Variants in VKORC1L1 observed in about 807,000 individuals in gnomAD.
VKORC1L1 encodes vitamin K epoxide reductase complex subunit 1-like protein 1.
Under a neutral mutation model 18.9 loss-of-function variants are expected in VKORC1L1, and 2 were observed. That is an observed-to-expected ratio of 0.11 (90% CI 0.04 to 0.33). VKORC1L1 has a LOEUF of 0.33. Among genes scored for constraint, VKORC1L1 ranks in the 10% least tolerant of loss-of-function variants. The pLI, the probability that VKORC1L1 is intolerant of heterozygous loss-of-function variation, is 1.00. For missense variants in VKORC1L1, 123 were observed against 224.1 expected (o/e 0.55, Z 2.88); for synonymous variants, 96 against 100.0 (o/e 0.96, Z 0.24).
At chr7:65,883,496 A>G (rs1281318846) in intron 1 of VKORC1L1, among the ~76,000 whole-genome samples, 5 of 147,538 alleles carry the variant, frequency 3.4e-5, no homozygotes, top group Admixed American at 1.4e-4. Flanking sequence ...ATACTGCTTT[A>G]ATCTTTTTTT....
At chr7:65,910,939 A>G (rs558045748) in intron 1 of VKORC1L1, among the ~76,000 whole-genome samples, 16 of 152,190 alleles carry the variant, frequency 1.1e-4, no homozygotes, top group Non-Finnish European at 1.9e-4. Context: ...TTATGTCTGT[A>G]CATTTGGTTT....
chr7:65,901,868 CA>C (rs1789323612), intron 1 of VKORC1L1, among the ~76,000 whole-genome samples: 1 of 151,994 alleles, frequency 6.6e-6, no homozygotes, highest in Admixed American at 6.6e-5. Flanking sequence ...TCCTGGGACT[CA>C]ACACAGAGCT....
At chr7:65,911,027 A>G (rs1378588599) in intron 1 of VKORC1L1, among the ~76,000 whole-genome samples, 1 of 152,154 alleles carries the variant, frequency 6.6e-6, no homozygotes, top group African/African-American at 2.4e-5. Context: ...CTGTGATGTT[A>G]CACTTCACCA....
At chr7:65,942,012 A>G (rs1790042915) in intron 1 of VKORC1L1, among the ~76,000 whole-genome samples, 1 of 152,160 alleles carries the variant, frequency 6.6e-6, no homozygotes, top group Admixed American at 6.5e-5. Flanking sequence ...TTCAGCTCAT[A>G]GAAATTAACT....
At position 65,915,082 on chromosome 7, in the gene VKORC1L1, C is replaced by CT. The variant is rs11359717; in HGVS notation, c.195-33579dup. On this transcript the variant is annotated intron_variant, in intron 1 of 2. Transcript: ENST00000360768. ...TTGTGATTGTGAGCTTATTTTTTTT[C>CT]TTTTTTTTTTCTTTTTTTTTTTTTT... Among the ~76,000 whole-genome samples, 58 of 141,078 alleles carry CT rather than the reference C, an allele frequency of 4.1e-4. 1 individual carries two copies. Among genetic ancestry groups the CT allele is most frequent in the African/African-American group, 1.3e-3 (48 of 38,366 alleles). The allele number at this position is 141,078 out of a possible 152,430, so 92.6% of individuals were successfully genotyped here. A position where few individuals can be genotyped will look rare whatever the true frequency, so the allele number is the denominator to read the frequency against.
chr7:65,895,498 TATATATATATATATATATACACACAC>T, intron 1 of VKORC1L1, among the ~76,000 whole-genome samples: 1 of 97,260 alleles, frequency 1.0e-5, no homozygotes, highest in East Asian at 3.6e-4. Flanking sequence ...TATATATATA[TATATATATATATATATATACACACAC>T]ACACACACAC....
At chr7:65,872,187 G>A (rs1162993931), upstream of VKORC1L1, among the ~76,000 whole-genome samples, 1 of 151,982 alleles carries the variant, frequency 6.6e-6, no homozygotes, top group Non-Finnish European at 1.5e-5. Context: ...CTTATTCCTG[G>A]CCTTTCATTT....
At chr7:65,902,728 G>A (rs930597598) in intron 1 of VKORC1L1, among the ~76,000 whole-genome samples, 1 of 152,068 alleles carries the variant, frequency 6.6e-6, no homozygotes, top group Non-Finnish European at 1.5e-5. Context: ...ATTATAAAGA[G>A]AAAATCTTGA....
intron 1 of VKORC1L1, among the ~76,000 whole-genome samples, chr7:65,890,917 A>C (rs1183536177): frequency 6.6e-6 from 1 of 152,188 alleles, no homozygotes; most frequent in East Asian, 1.9e-4. Flanking sequence ...CCAGATGAAG[A>C]TATAGAATAT....
chr7:65,879,607 G>C (rs187167795), intron 1 of VKORC1L1, among the ~76,000 whole-genome samples: 133 of 152,104 alleles, frequency 8.7e-4, no homozygotes, highest in Middle Eastern at 3.4e-3. Context: ...TTCTAACCCA[G>C]GCAGTCTGGC....
At chr7:65,927,310 A>AT (rs1664192730) in intron 1 of VKORC1L1, among the ~76,000 whole-genome samples, 1 of 152,120 alleles carries the variant, frequency 6.6e-6, no homozygotes, top group South Asian at 2.1e-4. Flanking sequence ...AAAAAAAATC[A>AT]TAATGGGTAC....
At chr7:65,906,627 T>C (rs1459126635) in intron 1 of VKORC1L1, among the ~76,000 whole-genome samples, 3 of 152,218 alleles carry the variant, frequency 2.0e-5, no homozygotes, top group Non-Finnish European at 4.4e-5. Flanking sequence ...AATTACACTT[T>C]GGCCCTAGGG....
Position 65,956,600 on chromosome 7 carries a change from CTG to C in VKORC1L1, c.*2301_*2302del, listed in dbSNP as rs935947897. Reference sequence around the variant, plus strand: ...AGTCGAATTAATACCCTTTTTCTCACTGAGAGAGGAACACGTACTGCCTGTCA... The same window carrying C: ...AGTCGAATTAATACCCTTTTTCTCACAGAGAGGAACACGTACTGCCTGTCA... On this transcript the variant is annotated 3_prime_UTR_variant, in exon 3 of 3. Transcript: ENST00000360768. 11 of 152,306 alleles carry C rather than the reference CTG, an allele frequency of 7.2e-5. No individual in the cohort carries two copies. Among genetic ancestry groups the C allele is most frequent in the Admixed American group, 2.0e-4 (3 of 15,288 alleles). The allele number at this position is 152,306 out of a possible 1,614,324, so 9.4% of individuals were successfully genotyped here.
intron 1 of VKORC1L1, among the ~76,000 whole-genome samples, chr7:65,929,937 T>G (rs2115659874): frequency 6.6e-6 from 1 of 152,086 alleles, no homozygotes; most frequent in East Asian, 1.9e-4. Context: ...TATCTCTATG[T>G]ATATAGGTTG....
chr7:65,906,529 G>C (rs564604054), intron 1 of VKORC1L1, among the ~76,000 whole-genome samples: 41 of 152,268 alleles, frequency 2.7e-4, no homozygotes, highest in Non-Finnish European at 5.0e-4. Context: ...CTGGATCAGG[G>C]AAACAAGCAG....
At chr7:65,881,004 G>C (rs1788919548) in intron 1 of VKORC1L1, among the ~76,000 whole-genome samples, 1 of 152,140 alleles carries the variant, frequency 6.6e-6, no homozygotes, top group Non-Finnish European at 1.5e-5. Context: ...TTGGATTTTG[G>C]ACCATTTCAG....
In VKORC1L1 at chr7:65,873,169, C is replaced by G. The variant is rs1159596613; in HGVS notation, c.-203C>G. ...CCTTCCCCGCCCCGTCCGCCTCACTCCTTTTGGGGCGGTTGGGCCGCGCGC... is the reference window on the plus strand; with the variant it reads ...CCTTCCCCGCCCCGTCCGCCTCACTGCTTTTGGGGCGGTTGGGCCGCGCGC... On this transcript the variant is annotated 5_prime_UTR_variant, in exon 1 of 3. Transcript: ENST00000360768. 1 of 587,046 alleles carries G rather than the reference C, an allele frequency of 1.7e-6. No homozygotes were observed. The highest frequency in any genetic ancestry group is 2.1e-6 in the Non-Finnish European group (1 of 466,810). 36.4% of individuals were successfully genotyped at this position (587,046 alleles called of 1,614,324 possible).
At chr7:65,919,821 G>A (rs1219966576) in intron 1 of VKORC1L1, among the ~76,000 whole-genome samples, 1 of 152,190 alleles carries the variant, frequency 6.6e-6, no homozygotes, top group Non-Finnish European at 1.5e-5. Context: ...ACTTTGGGAA[G>A]TAGAGGCGGG....
At chr7:65,868,318 A>T (rs1362721751), upstream of VKORC1L1, among the ~76,000 whole-genome samples, 1 of 152,192 alleles carries the variant, frequency 6.6e-6, no homozygotes, top group African/African-American at 2.4e-5. Context: ...AAAGTCAGAA[A>T]AAAAAAGATG....
Sources: gnomAD v4.1 joint callset for allele counts (sites outside exome capture counted in the v4.1 genomes callset) on GRCh38, gnomAD v4.1.1 for gene constraint, MANE v1.5 for transcripts, NCBI Gene and HGNC (gene_info 2026-07-23, HGNC 2026-07-21) for gene names.